Variants in RARB observed in about 807,000 individuals in gnomAD.
RARB encodes HBV-activated protein.
In RARB, 17 loss-of-function variants were observed where a neutral mutation model predicts 51.9. The ratio of observed to expected loss-of-function variants is 0.33; its 90% confidence interval spans 0.22 to 0.49. The LOEUF is 0.49. Ranked by LOEUF, RARB falls within the 20% of genes least tolerant of loss-of-function variation. The pLI is 0.99. For synonymous variants in RARB, 215 were observed against 195.4 expected (o/e 1.10, Z -0.84); for missense variants, 369 against 550.8 (o/e 0.67, Z 3.30).
At chr3:25,292,534 T>C (rs1244853002) in intron 5 of RARB, among the ~76,000 whole-genome samples, 4 of 152,184 alleles carry the variant, frequency 2.6e-5, no homozygotes, top group African/African-American at 9.6e-5. Flanking sequence ...TTAAAGTAGA[T>C]TATAAGATGA....
At chr3:25,114,812 A>G (rs1182495246) in intron 3 of RARB, among the ~76,000 whole-genome samples, 2 of 152,176 alleles carry the variant, frequency 1.3e-5, no homozygotes, top group Admixed American at 6.6e-5. Flanking sequence ...TAAAGATAAC[A>G]GTGGAACACT....
intron 5 of RARB, among the ~76,000 whole-genome samples, chr3:25,350,675 C>G (rs1244522240): frequency 9.2e-5 from 14 of 152,226 alleles, no homozygotes; most frequent in African/African-American, 3.1e-4. Flanking sequence ...GGGTGCCCAG[C>G]ATCGAGAGTG....
chr3:25,454,895 C>T (rs77273598), intron 1 of RARB, among the ~76,000 whole-genome samples: 9,959 of 152,272 alleles, frequency 0.065, 397 homozygotes, highest in Middle Eastern at 0.12. Flanking sequence ...GCCAAGTCCT[C>T]TTAACAGGCA....
chr3:25,207,447 T>C lies in RARB; in HGVS notation c.178+32872T>C, dbSNP rs531369387. On this transcript the variant is annotated intron_variant, in intron 5 of 11. Coordinates refer to the RARB transcript ENST00000383772. The stretch of plus-strand genomic sequence containing the variant: ...ATCTTTCCTGTTTTAATGTGCTGCT[T>C]ATATATTCTGAATAATAGTAGGAAG... Among the ~76,000 whole-genome samples the C allele has an allele frequency of 1.2e-4, 18 of 152,358 alleles. No homozygotes were observed. The South Asian group carries it at 3.7e-3, about 32-fold the overall frequency.
intron 2 of RARB, among the ~76,000 whole-genome samples, chr3:25,495,835 C>T (rs1696999118): frequency 6.6e-6 from 1 of 152,114 alleles, no homozygotes; most frequent in Non-Finnish European, 1.5e-5. Flanking sequence ...CATAATTAAC[C>T]AACAAGAATT....
chr3:25,389,503 G>T (rs1706888174), intron 5 of RARB, among the ~76,000 whole-genome samples: 1 of 152,184 alleles, frequency 6.6e-6, no homozygotes, highest in Non-Finnish European at 1.5e-5. Flanking sequence ...CAACTCAGCG[G>T]TGTTGCTGTG....
chr3:24,842,971 C>T (rs997108973), intron 1 of RARB, among the ~76,000 whole-genome samples: 1 of 152,242 alleles, frequency 6.6e-6, no homozygotes. Flanking sequence ...GAAGAGATCT[C>T]ACCTTTGGCC....
intron 5 of RARB, chr3:25,324,107 G>T (rs1223627022): frequency 6.6e-6 from 1 of 152,214 alleles, no homozygotes; most frequent in Admixed American, 6.5e-5. Context: ...TTGAAGAGCA[G>T]GTTCAGTCAG....
chr3:24,972,132 C>G (rs1486832072), intron 2 of RARB, among the ~76,000 whole-genome samples: 1 of 151,932 alleles, frequency 6.6e-6, no homozygotes, highest in Non-Finnish European at 1.5e-5. Context: ...ATCAACCTCT[C>G]TTCAGCCTAC....
At chr3:25,494,263 A>G (rs374110400) in intron 2 of RARB, among the ~76,000 whole-genome samples, 2 of 151,450 alleles carry the variant, frequency 1.3e-5, no homozygotes, top group African/African-American at 4.9e-5. Context: ...GCACACACAC[A>G]CACACACACA....
At chr3:24,834,570 T>A (rs763057527) in intron 1 of RARB, among the ~76,000 whole-genome samples, 3 of 152,208 alleles carry the variant, frequency 2.0e-5, no homozygotes, top group Non-Finnish European at 1.5e-5. Context: ...CATCCTTGAG[T>A]TCACTTCACT....
At chr3:25,458,344 A>T (rs943700780) in intron 1 of RARB, 15 of 152,218 alleles carry the variant, frequency 9.9e-5, no homozygotes, top group African/African-American at 3.4e-4. Flanking sequence ...CATAGAAAAA[A>T]ATTCTGGAAG....
At chr3:25,472,585 T>C (rs1036543312) in intron 2 of RARB, among the ~76,000 whole-genome samples, 6 of 152,212 alleles carry the variant, frequency 3.9e-5, no homozygotes, top group Non-Finnish European at 8.8e-5. Flanking sequence ...ATGAGGAAAC[T>C]AAGAATTTAT....
At chr3:24,892,512 C>T (rs1203571280) in intron 2 of RARB, among the ~76,000 whole-genome samples, 1 of 152,146 alleles carries the variant, frequency 6.6e-6, no homozygotes, top group African/African-American at 2.4e-5. Flanking sequence ...AATTTTGCAA[C>T]CTCAATCAAT....
chr3:25,593,838 C>A, intron 6 of RARB, 131 bp downstream of exon 6: 1 of 791,558 alleles, frequency 1.3e-6, no homozygotes. Flanking sequence ...GCCAGGCATA[C>A]ATGCCTGGTT....
At chr3:25,486,096 CT>C (rs886270453) in intron 2 of RARB, among the ~76,000 whole-genome samples, 2 of 152,150 alleles carry the variant, frequency 1.3e-5, no homozygotes, top group Non-Finnish European at 2.9e-5. Flanking sequence ...TGGGAGTTGT[CT>C]TTTTGCTGGA....
At chr3:24,961,685 C>A (rs1696142557) in intron 2 of RARB, among the ~76,000 whole-genome samples, 1 of 152,110 alleles carries the variant, frequency 6.6e-6, no homozygotes, top group African/African-American at 2.4e-5. Context: ...AGTGATGGAT[C>A]AACTCAGAAC....
chr3:24,940,920 A>G (rs1575082322), intron 2 of RARB, among the ~76,000 whole-genome samples: 2 of 152,228 alleles, frequency 1.3e-5, no homozygotes, highest in Admixed American at 1.3e-4. Flanking sequence ...AACTGGGACC[A>G]GGGAGAGATA....
At chr3:25,354,937 G>A (rs528358033) in intron 5 of RARB, among the ~76,000 whole-genome samples, 1 of 150,288 alleles carries the variant, frequency 6.7e-6, no homozygotes, top group South Asian at 2.1e-4. Flanking sequence ...CAGAAACCAT[G>A]AAACCATGAG....
Sources: allele counts gnomAD v4.1 joint callset (sites outside exome capture counted in the v4.1 genomes callset), GRCh38; gene constraint gnomAD v4.1.1; transcripts MANE v1.5; gene names NCBI Gene and HGNC (gene_info 2026-07-23, HGNC 2026-07-21).